Variants in ANK3 observed in about 807,000 individuals in gnomAD.
ANK3 encodes ankyrin 3.
ANK3 carries 57 observed loss-of-function variants against 370.9 expected under a neutral mutation model. The observed-to-expected ratio is 0.15, with a 90% CI of 0.12 to 0.19. ANK3 has a LOEUF of 0.19. Among genes scored for constraint, ANK3 ranks in the 10% least tolerant of loss-of-function variants. ANK3 has a pLI of 1.00. For missense variants in ANK3, 4,439 were observed against 5,302.1 expected, an observed-to-expected ratio of 0.84 and a Z score of 5.06; for synonymous variants, 1,929 against 1,946.3, an observed-to-expected ratio of 0.99 and a Z score of 0.23.
At chr10:60,539,470 T>G (rs1030045181) in intron 2 of ANK3, among the ~76,000 whole-genome samples, 1 of 151,952 alleles carries the variant, frequency 6.6e-6, no homozygotes, top group South Asian at 2.1e-4. Flanking sequence ...ACTAGGTATT[T>G]GATTTTGAAC....
At chr10:60,105,814 T>G (rs2092091601) in intron 28 of ANK3, 91 bp downstream of exon 28, 5 of 1,335,506 alleles carry the variant, frequency 3.7e-6, no homozygotes, top group Non-Finnish European at 5.0e-6. Context: ...AATACAAATG[T>G]GTGAAATTCA....
At chr10:60,622,017 C>A (rs964566050) in intron 1 of ANK3, among the ~76,000 whole-genome samples, 1 of 152,032 alleles carries the variant, frequency 6.6e-6, no homozygotes, top group Non-Finnish European at 1.5e-5. Flanking sequence ...TGAAATATTG[C>A]CTGTTTCCTC....
intron 1 of ANK3, among the ~76,000 whole-genome samples, chr10:60,652,440 A>G (rs971726643): frequency 1.3e-5 from 2 of 152,056 alleles, no homozygotes; most frequent in African/African-American, 4.8e-5. Flanking sequence ...TAATGAAATT[A>G]AAAGAAGGAG....
At chr10:60,108,357 G>C (rs1342827569) in intron 27 of ANK3, 1 of 263,814 alleles carries the variant, frequency 3.8e-6, no homozygotes, top group Non-Finnish European at 7.6e-6. Flanking sequence ...AGTCACGACA[G>C]AGCCTGCCTG....
Position 60,072,930 on chromosome 10 carries a change from G to T in ANK3, c.7951C>A (p.Gln2651Lys). 6.2e-7 allele frequency: 1 copy of T among 1,614,086 alleles called. No homozygotes were observed. The highest frequency in any genetic ancestry group is 8.5e-7 in the Non-Finnish European group (1 of 1,180,008). The change falls in exon 37 of 44, where the codon CAG becomes AAG. Residue 2651 changes from glutamine (Q) to lysine (K), a missense_variant. Coordinates refer to ENST00000280772, the MANE Select transcript of ANK3 (RefSeq NM_020987.5). ...ASNDEWVKARQHGPDGQGFPK... is the reference protein window; with the variant it reads ...ASNDEWVKARKHGPDGQGFPK... Reference sequence around the variant, plus strand: ...AAGCCTTGTCCATCAGGGCCATGCTGTCTTGCCTTAACCCACTCATCATTG... The same window carrying T: ...AAGCCTTGTCCATCAGGGCCATGCTTTCTTGCCTTAACCCACTCATCATTG...
chr10:60,282,103 G>A (rs1486724712), intron 1 of ANK3, among the ~76,000 whole-genome samples: 1 of 152,172 alleles, frequency 6.6e-6, no homozygotes, highest in Non-Finnish European at 1.5e-5. Flanking sequence ...CCTGTTCAAT[G>A]ACTTATCAGT....
chr10:60,108,718 T>A, intron 27 of ANK3, 112 bp downstream of exon 27: 1 of 845,218 alleles, frequency 1.2e-6, no homozygotes, highest in South Asian at 1.7e-5. Flanking sequence ...AAAAGTATAC[T>A]CAATCAGGTA....
intron 2 of ANK3, among the ~76,000 whole-genome samples, chr10:60,427,360 T>C (rs1440236137): frequency 6.6e-6 from 1 of 152,106 alleles, no homozygotes; most frequent in African/African-American, 2.4e-5. Flanking sequence ...GGGCATCTGA[T>C]GTGAAAGCCC....
Position 60,088,977 on chromosome 10 carries a change from G to C in ANK3, c.3329-619C>G, listed in dbSNP as rs150972415. Among the ~76,000 whole-genome samples, 86 of 152,178 alleles carry C rather than the reference G, an allele frequency of 5.7e-4. No homozygotes were observed. The East Asian group carries it at 0.014, about 25-fold the overall frequency. On this transcript the variant is annotated intron_variant, in intron 28 of 43. Coordinates refer to ENST00000280772, the MANE Select transcript of ANK3 (RefSeq NM_020987.5). Reference sequence around the variant, plus strand: ...GGAATTTACAATAATTTGCCCCCAAGCTGCCAAAAGTAGAAATGAGTTAGG... The same window carrying C: ...GGAATTTACAATAATTTGCCCCCAACCTGCCAAAAGTAGAAATGAGTTAGG...
intron 1 of ANK3, among the ~76,000 whole-genome samples, chr10:60,670,560 C>T (rs2079053100): frequency 6.6e-6 from 1 of 152,138 alleles, no homozygotes; most frequent in Admixed American, 6.5e-5. Context: ...CCACTCCTTC[C>T]CTCCATAAGC....
chr10:60,327,347 T>G (rs2050148049), intron 1 of ANK3, among the ~76,000 whole-genome samples: 1 of 152,210 alleles, frequency 6.6e-6, no homozygotes, highest in African/African-American at 2.4e-5. Context: ...TAGGTTAAGA[T>G]AGCAAGCTGT....
chr10:60,246,289 GA>G (rs2097554273), intron 7 of ANK3, among the ~76,000 whole-genome samples: 1 of 105,482 alleles, frequency 9.5e-6, no homozygotes, highest in Admixed American at 9.6e-5. Context: ...AAAGAAAAAA[GA>G]AAAAAAGATG....
chr10:60,195,173 G>A (rs1229413456), intron 16 of ANK3, among the ~76,000 whole-genome samples: 2 of 149,246 alleles, frequency 1.3e-5, no homozygotes, highest in African/African-American at 2.5e-5. Flanking sequence ...GGATCACAAG[G>A]TCAGGAGATC....
At chr10:60,288,229 A>C (rs1373313350) in intron 1 of ANK3, among the ~76,000 whole-genome samples, 1 of 152,182 alleles carries the variant, frequency 6.6e-6, no homozygotes, top group Non-Finnish European at 1.5e-5. Flanking sequence ...TTCTGGGTCC[A>C]GCTCAAAGAT....
intron 2 of ANK3, among the ~76,000 whole-genome samples, chr10:60,411,284 T>C (rs1486164466): frequency 2.0e-5 from 3 of 152,188 alleles, no homozygotes; most frequent in African/African-American, 7.2e-5. Context: ...CAGAGGTAAA[T>C]ATCTTTCAGA....
At chr10:60,277,247 A>C (rs2098104534) in intron 4 of ANK3, among the ~76,000 whole-genome samples, 1 of 152,206 alleles carries the variant, frequency 6.6e-6, no homozygotes, top group Non-Finnish European at 1.5e-5. Context: ...CCCAATATCC[A>C]AAGATAATCA....
At chr10:60,208,547 G>C (rs936312430) in intron 9 of ANK3, among the ~76,000 whole-genome samples, 1 of 152,148 alleles carries the variant, frequency 6.6e-6, no homozygotes, top group Admixed American at 6.6e-5. Context: ...AATAGAGATG[G>C]GGTTTCACTC....
intron 2 of ANK3, among the ~76,000 whole-genome samples, chr10:60,473,733 G>T (rs79716236): frequency 6.6e-6 from 1 of 151,984 alleles, no homozygotes; most frequent in Non-Finnish European, 1.5e-5. Context: ...TTCCTAGAGC[G>T]CTGGTTTAAC....
chr10:60,527,714 T>C (rs1195679511), intron 2 of ANK3, among the ~76,000 whole-genome samples: 1 of 152,188 alleles, frequency 6.6e-6, no homozygotes, highest in Non-Finnish European at 1.5e-5. Flanking sequence ...CTTCAGAAAG[T>C]TACCATCTCC....
Sources: gnomAD v4.1 joint callset for allele counts (sites outside exome capture counted in the v4.1 genomes callset) on GRCh38, gnomAD v4.1.1 for gene constraint, MANE v1.5 for transcripts, NCBI Gene and HGNC (gene_info 2026-07-23, HGNC 2026-07-21) for gene names.